Variants in CNGB3 observed in about 807,000 individuals in gnomAD.
CNGB3 encodes the protein cyclic nucleotide-gated channel beta-3.
A neutral mutation model predicts 92.8 loss-of-function variants in CNGB3; 86 were observed. The ratio of observed to expected loss-of-function variants is 0.93; its 90% CI spans 0.78 to 1.11. CNGB3 has a LOEUF of 1.11. CNGB3 is among the 50% of genes least tolerant of loss of function. The pLI, the probability that CNGB3 is intolerant of heterozygous loss-of-function variation, is 0.00. For missense variants in CNGB3, 1,026 were observed against 956.8 expected (o/e 1.07, Z -0.95); for synonymous variants, 333 against 332.7 (o/e 1.00, Z -0.01).
rs369280881 is a variant in CNGB3, at chr8:86,618,585, G to A, written c.1579-6914C>T. Among the ~76,000 whole-genome samples the A allele has an allele frequency of 6.6e-5, 10 of 152,334 alleles. 1 individual carries two copies. The East Asian group carries it at 7.7e-4, about 12-fold the overall frequency. Reference sequence around the variant, plus strand: ...CAGTAGCTGGGCAGTAGCCCTCCATGTCTGGCTCAGTGCTTTAGACAGGTC... The same window carrying A: ...CAGTAGCTGGGCAGTAGCCCTCCATATCTGGCTCAGTGCTTTAGACAGGTC... On this transcript the variant is annotated intron_variant, in intron 13 of 17. Coordinates refer to ENST00000320005, the MANE Select transcript of CNGB3 (RefSeq NM_019098.5).
At chr8:86,725,889 CG>C (rs1314474488) in intron 3 of CNGB3, among the ~76,000 whole-genome samples, 1 of 152,134 alleles carries the variant, frequency 6.6e-6, no homozygotes, top group African/African-American at 2.4e-5. Context: ...TTAACTGGAT[CG>C]GCAGGTACAT....
intron 3 of CNGB3, among the ~76,000 whole-genome samples, chr8:86,685,421 C>A (rs1265481474): frequency 6.6e-6 from 1 of 152,004 alleles, no homozygotes; most frequent in Non-Finnish European, 1.5e-5. Context: ...ATATGCACGT[C>A]GACGTTTGAG....
At chr8:86,595,308 A>G (rs1336693519) in intron 15 of CNGB3, among the ~76,000 whole-genome samples, 1 of 152,228 alleles carries the variant, frequency 6.6e-6, no homozygotes, top group African/African-American at 2.4e-5. Context: ...TATGACTCTC[A>G]GAATCTTTAC....
chr8:86,639,763 G>T (rs1313279034), intron 10 of CNGB3, among the ~76,000 whole-genome samples: 1 of 152,112 alleles, frequency 6.6e-6, no homozygotes, highest in Non-Finnish European at 1.5e-5. Context: ...GATAAGTAAA[G>T]AGGCTGCTTT....
intron 15 of CNGB3, among the ~76,000 whole-genome samples, chr8:86,590,542 C>CA (rs1822005447): frequency 6.6e-6 from 1 of 151,972 alleles, no homozygotes; most frequent in South Asian, 2.1e-4. Context: ...CTGGTGGTGA[C>CA]AAAATCTCTC....
intron 13 of CNGB3, among the ~76,000 whole-genome samples, chr8:86,624,518 G>C (rs1417182596): frequency 6.6e-6 from 1 of 151,934 alleles, no homozygotes; most frequent in Non-Finnish European, 1.5e-5. Flanking sequence ...ACTCTTCTCT[G>C]ACTACTCTTG....
intron 4 of CNGB3, among the ~76,000 whole-genome samples, chr8:86,669,846 TA>T (rs1188018840): frequency 6.6e-6 from 1 of 152,036 alleles, no homozygotes; most frequent in Non-Finnish European, 1.5e-5. Context: ...TTTTGTGCTC[TA>T]TATTATCATA....
At chr8:86,623,975 T>C (rs1220617140) in intron 13 of CNGB3, among the ~76,000 whole-genome samples, 1 of 152,214 alleles carries the variant, frequency 6.6e-6, no homozygotes, top group Non-Finnish European at 1.5e-5. Context: ...CAGATGGTTG[T>C]GATAACTTCC....
chr8:86,658,603 C>T (rs894880982), intron 6 of CNGB3: 9 of 353,506 alleles, frequency 2.5e-5, no homozygotes, highest in African/African-American at 1.9e-4. Context: ...TGCAGGTGAC[C>T]CAGGTACTGA....
intron 15 of CNGB3, among the ~76,000 whole-genome samples, chr8:86,593,565 C>T (rs1822101151): frequency 6.6e-6 from 1 of 152,168 alleles, no homozygotes; most frequent in South Asian, 2.1e-4. Flanking sequence ...TGTTTTCTCT[C>T]TCCTTCGAGG....
chr8:86,708,368 ATCAACT>A (rs1824687697), intron 3 of CNGB3, among the ~76,000 whole-genome samples: 1 of 151,824 alleles, frequency 6.6e-6, no homozygotes, highest in Non-Finnish European at 1.5e-5. Context: ...GGAGAAGGAG[ATCAACT>A]TCAAATAGTT....
chr8:86,722,830 G>A (rs1416220742), intron 3 of CNGB3, among the ~76,000 whole-genome samples: 1 of 152,108 alleles, frequency 6.6e-6, no homozygotes, highest in Non-Finnish European at 1.5e-5. Context: ...TTTTGGACTG[G>A]AACTTATAAC....
intron 6 of CNGB3, chr8:86,661,219 CT>C: frequency 3.3e-6 from 1 of 299,498 alleles, no homozygotes; most frequent in South Asian, 3.8e-5. Flanking sequence ...TCTATGCTTT[CT>C]TTTTCTTTTT....
intron 13 of CNGB3, among the ~76,000 whole-genome samples, chr8:86,625,489 TTGTTA>T (rs1822827795): frequency 6.6e-6 from 1 of 152,196 alleles, no homozygotes; most frequent in African/African-American, 2.4e-5. Flanking sequence ...AAAAATTTCT[TTGTTA>T]TAATTTTTTT....
At chr8:86,632,189 A>G (rs1011948979) in intron 11 of CNGB3, among the ~76,000 whole-genome samples, 20 of 112,958 alleles carry the variant, frequency 1.8e-4, no homozygotes, top group African/African-American at 7.9e-4. Flanking sequence ...ACAGAGCAAG[A>G]CCCTGTCTCA....
chr8:86,647,942 G>T, intron 7 of CNGB3, 55 bp from the exon 8 acceptor site: 1 of 1,033,706 alleles, frequency 9.7e-7, no homozygotes, highest in Non-Finnish European at 1.5e-6. Flanking sequence ...TTCTGGGAAT[G>T]GATGGATTTA....
intron 13 of CNGB3, among the ~76,000 whole-genome samples, chr8:86,625,217 C>T (rs1431570819): frequency 2.0e-5 from 3 of 152,182 alleles, no homozygotes; most frequent in African/African-American, 7.2e-5. Flanking sequence ...ATCACCTCCA[C>T]ACATTTTATG....
chr8:86,734,830 C>T (rs1825217363), intron 2 of CNGB3, among the ~76,000 whole-genome samples: 1 of 152,110 alleles, frequency 6.6e-6, no homozygotes, highest in African/African-American at 2.4e-5. Context: ...TGGCTTGTAT[C>T]AGGGTTGGGA....
At chr8:86,670,814 T>C (rs1290697832) in intron 4 of CNGB3, 130 bp downstream of exon 4, 3 of 1,007,482 alleles carry the variant, frequency 3.0e-6, no homozygotes, top group Non-Finnish European at 4.7e-6. Flanking sequence ...CCTGGATTAC[T>C]CTCAAAATAA....
Sources: allele counts gnomAD v4.1 joint callset (sites outside exome capture counted in the v4.1 genomes callset), GRCh38; gene constraint gnomAD v4.1.1; transcripts MANE v1.5; gene names NCBI Gene and HGNC (gene_info 2026-07-23, HGNC 2026-07-21).